RBM15B: variants seen among roughly 807,000 people sequenced by gnomAD.
The protein encoded by RBM15B is RNA binding motif protein 15B, also known as putative RNA-binding protein 15B.
Under a neutral mutation model 53.3 loss-of-function variants are expected in RBM15B, and 11 were observed. That is an observed-to-expected ratio of 0.21 (90% CI 0.13 to 0.34). The LOEUF is 0.34. Ranked by LOEUF, RBM15B falls within the 10% of genes least tolerant of loss-of-function variation. RBM15B has a pLI of 1.00. For missense variants in RBM15B, 1,136 were observed against 1,250.3 expected (o/e 0.91, Z 1.38); for synonymous variants, 631 against 540.7 (o/e 1.17, Z -2.32).
At position 51,396,076 on chromosome 3, in the gene RBM15B, G is replaced by A. The variant is rs2089182579; in HGVS notation, c.*2004G>A. ...CTGCAGCTCTCCAACAAACGCCTGA[G>A]TCACAGGCCAGAGCTGCCTTGGTAT... On this transcript the variant is annotated 3_prime_UTR_variant, in exon 1 of 1. Transcript: ENST00000563281. The A allele has an allele frequency of 4.9e-6, 2 of 411,498 alleles. No individual in the cohort carries two copies. The highest frequency in any genetic ancestry group is 3.6e-5 in the East Asian group (1 of 28,026). The allele number at this position is 411,498 out of a possible 1,614,324, so 25.5% of individuals were successfully genotyped here.
chr3:51,391,748 C>T lies in RBM15B; in HGVS notation c.349C>T (p.Pro117Ser). The change falls in exon 1 of 1, where the codon CCG (proline) becomes TCG (serine). Residue 117 changes from proline (P) to serine (S), a missense_variant. By Grantham distance (74) the Pro-to-Ser change is moderately conservative. Coordinates refer to ENST00000563281, the MANE Select transcript of RBM15B (RefSeq NM_013286.5). The surrounding 1 kb of genome is among the most constrained non-coding windows in gnomAD (Gnocchi z 4.5). ...GTCGCCCCGCGCGTCTCCTCTGCCG[C>T]CGCCTCCGCCACCGCCTGGGGCCGA... ...GMSPRASPLPPPPPPPGAEPA... is the reference protein window; with the variant it reads ...GMSPRASPLPSPPPPPGAEPA... 6.5e-7 allele frequency: 1 copy of T among 1,546,068 alleles called. No individual in the cohort carries two copies. The highest frequency in any genetic ancestry group is 8.6e-7 in the Non-Finnish European group (1 of 1,156,970).
chr3:51,393,543 C>G lies in RBM15B; in HGVS notation c.2144C>G (p.Ala715Gly). The G allele has an allele frequency of 6.2e-7, 1 of 1,614,206 alleles. No individual in the cohort carries two copies. Among genetic ancestry groups the G allele is most frequent in the Non-Finnish European group, 8.5e-7 (1 of 1,180,040 alleles). ...AAGCTGAAGAATCTTTCAGAGTACGCTCAGACACTACAGCTGGGTTGGAAT... is the reference window on the plus strand; with the variant it reads ...AAGCTGAAGAATCTTTCAGAGTACGGTCAGACACTACAGCTGGGTTGGAAT... ...TKKLKNLSEYAQTLQLGWNGL... is the reference protein window; with the variant it reads ...TKKLKNLSEYGQTLQLGWNGL... Residue 715 changes from alanine to glycine, a missense_variant, in exon 1 of 1, where the codon GCT (alanine) becomes GGT (glycine). Ala to Gly is a moderately conservative substitution (Grantham distance 60, BLOSUM62 0). Transcript: ENST00000563281. This position sits in a 1 kb window ranked among gnomAD's most constrained non-coding sequence, Gnocchi z 5.6.
Position 51,396,626 on chromosome 3 carries a change from T to A in RBM15B, c.*2554T>A. 6.0e-6 allele frequency: 1 copy of A among 167,364 alleles called. No individual in the cohort carries two copies. The allele number at this position is 167,364 out of a possible 1,614,324, so 10.4% of individuals were successfully genotyped here. A position where few individuals can be genotyped will look rare whatever the true frequency, so the allele number is the denominator to read the frequency against. On this transcript the variant is annotated 3_prime_UTR_variant, in exon 1 of 1. Transcript: ENST00000563281. ...GTGCCACTGTTCTCATGCTGCCTCC[T>A]AAGTGACTCCGATTTTCAGCCCTGG...
chr3:51,394,390 AT>A lies in RBM15B; in HGVS notation c.*323del. 4.3e-6 allele frequency: 1 copy of A among 235,164 alleles called. No homozygotes were observed. The highest frequency in any genetic ancestry group is 8.7e-6 in the Non-Finnish European group (1 of 114,596). The allele number at this position is 235,164 out of a possible 1,614,324, so 14.6% of individuals were successfully genotyped here. On this transcript the variant is annotated 3_prime_UTR_variant, in exon 1 of 1. Coordinates refer to ENST00000563281, the MANE Select transcript of RBM15B (RefSeq NM_013286.5). ...CAGTAAAACCTTTGACAGAGGATGG[AT>A]TTTTAAACCTGTTCAGAGTCCTGGT...
In RBM15B at chr3:51,391,933, G is replaced by T; in HGVS notation, c.534G>T (p.Glu178Asp). 1 of 1,602,788 alleles carries T rather than the reference G, an allele frequency of 6.2e-7. No individual in the cohort carries two copies. ...GCCTCCGCCTGTCGCACACGCCTGAGCTGGGCCGTGTGGCCTACGTGAATT... is the reference window on the plus strand; with the variant it reads ...GCCTCCGCCTGTCGCACACGCCTGATCTGGGCCGTGTGGCCTACGTGAATT... The part of the protein sequence containing the change: ...EISLRLSHTP[E>D]LGRVAYVNFR... Residue 178 changes from glutamate to aspartate, a missense_variant, in exon 1 of 1, where the codon GAG becomes GAT. By Grantham distance (45) the Glu-to-Asp change is conservative. Transcript: ENST00000563281. This position sits in a 1 kb window ranked among gnomAD's most constrained non-coding sequence, Gnocchi z 4.5.
At position 51,391,289 on chromosome 3, in the gene RBM15B, CGA is replaced by C; in HGVS notation, c.-109_-108del. 1.1e-6 allele frequency: 1 copy of C among 930,804 alleles called. No homozygotes were observed. Among genetic ancestry groups the C allele is most frequent in the African/African-American group, 1.7e-5 (1 of 57,196 alleles). 57.7% of individuals were successfully genotyped at this position (930,804 alleles called of 1,614,324 possible). A position where few individuals can be genotyped will look rare whatever the true frequency, so the allele number is the denominator to read the frequency against. On this transcript the variant is annotated 5_prime_UTR_variant, in exon 1 of 1. Coordinates refer to ENST00000563281, the MANE Select transcript of RBM15B (RefSeq NM_013286.5). The surrounding 1 kb of genome is among the most constrained non-coding windows in gnomAD (Gnocchi z 4.5). ...CCCCGCCCCGCCGCCACCGCCGCGC[CGA>C]GTCCTTTTGTCCAAGATGGCGGCGC...
Position 51,395,826 on chromosome 3 carries a change from G to C in RBM15B, c.*1754G>C, listed in dbSNP as rs1402929159. 2.4e-6 allele frequency: 1 copy of C among 413,536 alleles called. No homozygotes were observed. The highest frequency in any genetic ancestry group is 3.6e-5 in the East Asian group (1 of 28,088). 25.6% of individuals were successfully genotyped at this position (413,536 alleles called of 1,614,324 possible). ...GTGATGTGGAATGGACAGGTGCCTC[G>C]CAAGAGAGCAAGCACGTTCATAACA... On this transcript the variant is annotated 3_prime_UTR_variant, in exon 1 of 1. Coordinates refer to ENST00000563281, the MANE Select transcript of RBM15B (RefSeq NM_013286.5).
Position 51,391,461 on chromosome 3 carries a change from A to AGCT in RBM15B, c.64_65insTGC (p.Lys21_Arg22insLeu). 1 of 1,261,700 alleles carries AGCT rather than the reference A, an allele frequency of 7.9e-7. No homozygotes were observed. The highest frequency in any genetic ancestry group is 2.4e-5 in the South Asian group (1 of 40,888). The allele number at this position is 1,261,700 out of a possible 1,614,324, so 78.2% of individuals were successfully genotyped here. On this transcript the variant is annotated inframe_insertion, in exon 1 of 1. Transcript: ENST00000563281. This position sits in a 1 kb window ranked among gnomAD's most constrained non-coding sequence, Gnocchi z 4.5. ...GGGCGCGGCTCGTCATCGTCCGCCA[A>AGCT]GCGTCCGCGGGAGCGCGAACGGGAG...
rs781979173 is a variant in RBM15B, at chr3:51,392,982, T to C, written c.1583T>C (p.Val528Ala). Residue 528 changes from valine to alanine, a missense_variant, in exon 1 of 1, where the codon GTG becomes GCG. By Grantham distance (64) the Val-to-Ala change is moderately conservative. Around this residue, in one of 7 missense-constraint regions of RBM15B, gnomAD observed 578 missense variants for 581.6 expected, o/e 0.99. Transcript: ENST00000563281. The surrounding 1 kb of genome is among the most constrained non-coding windows in gnomAD (Gnocchi z 7.5). ...TRHRNLDADLVRDRTPPHLLY... is the reference protein window; with the variant it reads ...TRHRNLDADLARDRTPPHLLY... ...CACCGCAACCTGGACGCCGACCTGG[T>C]GCGGGACAGGACGCCCCCACACCTT... 35 of 1,613,484 alleles carry C rather than the reference T, an allele frequency of 2.2e-5. No homozygotes were observed. The highest frequency in any genetic ancestry group is 2.7e-5 in the African/African-American group (2 of 74,854).
chr3:51,396,262 C>T lies in RBM15B; in HGVS notation c.*2190C>T, dbSNP rs1489661423. On this transcript the variant is annotated 3_prime_UTR_variant, in exon 1 of 1. Transcript: ENST00000563281. ...CCTAGAGAAGACACTTCAACCTTTG[C>T]CTTATCCAACCCCTCTTCAGAGAAA... 4 of 226,398 alleles carry T rather than the reference C, an allele frequency of 1.8e-5. No individual in the cohort carries two copies. Among genetic ancestry groups the T allele is most frequent in the Non-Finnish European group, 3.7e-5 (4 of 107,510 alleles). 14.0% of individuals were successfully genotyped at this position (226,398 alleles called of 1,614,324 possible).
chr3:51,393,581 T>G lies in RBM15B; in HGVS notation c.2182T>G (p.Leu728Val). ...LQLGWNGLLV[L>V]KNSCFPTSMH... The stretch of plus-strand genomic sequence containing the variant: ...GCTGGGTTGGAATGGGCTTCTGGTG[T>G]TGAAAAACAGCTGCTTCCCCACGTC... The change falls in exon 1 of 1, where the codon TTG becomes GTG. Residue 728 changes from leucine to valine, a missense_variant. By Grantham distance (32) the Leu-to-Val change is conservative. This residue lies in a region of RBM15B where 578 missense variants were observed against 581.6 expected (regional missense o/e 0.99). Coordinates refer to ENST00000563281, the MANE Select transcript of RBM15B (RefSeq NM_013286.5). The surrounding 1 kb of genome is among the most constrained non-coding windows in gnomAD (Gnocchi z 5.6). 1 of 1,614,074 alleles carries G rather than the reference T, an allele frequency of 6.2e-7. No homozygotes were observed. The highest frequency in any genetic ancestry group is 8.5e-7 in the Non-Finnish European group (1 of 1,180,010).
At position 51,395,147 on chromosome 3, in the gene RBM15B, C is replaced by CTT. The variant is rs2089130408; in HGVS notation, c.*1076_*1077dup. On this transcript the variant is annotated 3_prime_UTR_variant, in exon 1 of 1. Coordinates refer to ENST00000563281, the MANE Select transcript of RBM15B (RefSeq NM_013286.5). Reference sequence around the variant, plus strand: ...GATACTGAACCTCTAGACTGAAGTACTTACCGGGGAGCACAGTGGACTAGG... The same window carrying CTT: ...GATACTGAACCTCTAGACTGAAGTACTTTTACCGGGGAGCACAGTGGACTAGG... 1 of 167,258 alleles carries CTT rather than the reference C, an allele frequency of 6.0e-6. No homozygotes were observed. Among genetic ancestry groups the CTT allele is most frequent in the African/African-American group, 2.4e-5 (1 of 41,442 alleles). The allele number at this position is 167,258 out of a possible 1,614,324, so 10.4% of individuals were successfully genotyped here. A position where few individuals can be genotyped will look rare whatever the true frequency, so the allele number is the denominator to read the frequency against.
chr3:51,391,696 C>T lies in RBM15B; in HGVS notation c.297C>T (p.Ala99=), dbSNP rs2089038745. Residue 99 remains alanine, a synonymous_variant, in exon 1 of 1, where the codon GCC becomes GCT. Transcript: ENST00000563281. The surrounding 1 kb of genome is among the most constrained non-coding windows in gnomAD (Gnocchi z 4.5). ...GCGGCGGGGGACGCGGCGGCAAGGC[C>T]TCGGGGGACCCGGGCGCCTCCGGCA... is the stretch of plus-strand genomic sequence containing the variant. ...GAGGGGRGGK[A]SGDPGASGMS... 4 of 1,344,622 alleles carry T rather than the reference C, an allele frequency of 3.0e-6. No homozygotes were observed. Among genetic ancestry groups the T allele is most frequent in the Non-Finnish European group, 3.8e-6 (4 of 1,054,246 alleles). The allele number at this position is 1,344,622 out of a possible 1,614,324, so 83.3% of individuals were successfully genotyped here. A position where few individuals can be genotyped will look rare whatever the true frequency, so the allele number is the denominator to read the frequency against.
rs782625844 is a variant in RBM15B, at chr3:51,394,005, C to T, written c.2606C>T (p.Ala869Val). ...CDFSQQYLQS[A>V]LRTLGKLEEE... is the part of the protein sequence containing the mutation. ...TTTTCCCAGCAGTACCTCCAGTCAG[C>T]ACTAAGGACATTGGGCAAGCTAGAA... Residue 869 changes from alanine to valine, a missense_variant, in exon 1 of 1, where the codon GCA becomes GTA. Coordinates refer to ENST00000563281, the MANE Select transcript of RBM15B (RefSeq NM_013286.5). 1 of 1,501,640 alleles carries T rather than the reference C, an allele frequency of 6.7e-7. No homozygotes were observed. Among genetic ancestry groups the T allele is most frequent in the Non-Finnish European group, 8.9e-7 (1 of 1,125,342 alleles). 93.0% of individuals were successfully genotyped at this position (1,501,640 alleles called of 1,614,324 possible).
rs782154260 is a variant in RBM15B at position 51,395,433 on chromosome 3, C to CAAGT, written c.*1369_*1372dup. ...TGAGATTCCGTCTTCTTCCCTGTCT[C>CAAGT]AAGTAAGTAAGGAAGGTACTGCGGA... is the stretch of plus-strand genomic sequence containing the variant. On this transcript the variant is annotated 3_prime_UTR_variant, in exon 1 of 1. Transcript: ENST00000563281. 10 of 191,306 alleles carry CAAGT rather than the reference C, an allele frequency of 5.2e-5. No individual in the cohort carries two copies. The highest frequency in any genetic ancestry group is 2.0e-4 in the South Asian group (1 of 5,018). The allele number at this position is 191,306 out of a possible 1,614,324, so 11.9% of individuals were successfully genotyped here. A position where few individuals can be genotyped will look rare whatever the true frequency, so the allele number is the denominator to read the frequency against.
In RBM15B at chr3:51,392,332, C is replaced by T. The variant is rs782737382; in HGVS notation, c.933C>T (p.Asp311=). 4 of 1,613,196 alleles carry T rather than the reference C, an allele frequency of 2.5e-6. No homozygotes were observed. Among genetic ancestry groups the T allele is most frequent in the Non-Finnish European group, 3.4e-6 (4 of 1,179,864 alleles). Reference sequence around the variant, plus strand: ...CCCTGGACTACTACGGGCTGTACGACGACCGTGGGCGCCCCTATGGCTACC... The same window carrying T: ...CCCTGGACTACTACGGGCTGTACGATGACCGTGGGCGCCCCTATGGCTACC... ...ERALDYYGLY[D]DRGRPYGYPA... is the part of the protein sequence containing the mutation. Residue 311 remains aspartate (D), a synonymous_variant, in exon 1 of 1, where the codon GAC becomes GAT. Transcript: ENST00000563281. This position sits in a 1 kb window ranked among gnomAD's most constrained non-coding sequence, Gnocchi z 7.5.
Position 51,392,067 on chromosome 3 carries a change from G to T in RBM15B, c.668G>T (p.Gly223Val), listed in dbSNP as rs782014589. ...KVEPVYLRGG[G>V]GSSRRSSSSS... ...GAGCCCGTGTACCTGCGTGGCGGCG[G>T]CGGGAGCAGTCGGCGAAGTAGCAGC... Residue 223 changes from glycine (G) to valine (V), a missense_variant, in exon 1 of 1, where the codon GGC becomes GTC. This residue lies in a region of RBM15B where 204 missense variants were observed against 196.8 expected (regional missense o/e 1.04). Transcript: ENST00000563281. This position sits in a 1 kb window ranked among gnomAD's most constrained non-coding sequence, Gnocchi z 7.5. 1.3e-6 allele frequency: 2 copies of T among 1,582,850 alleles called. No homozygotes were observed. Among genetic ancestry groups the T allele is most frequent in the Admixed American group, 1.8e-5 (1 of 57,054 alleles).
In RBM15B at chr3:51,395,498, G is replaced by T; in HGVS notation, c.*1426G>T. Reference sequence around the variant, plus strand: ...GAGGAAAACCAGAGCACACAGTTTTGTCACCATGGAACACCCCAAATGCCA... The same window carrying T: ...GAGGAAAACCAGAGCACACAGTTTTTTCACCATGGAACACCCCAAATGCCA... On this transcript the variant is annotated 3_prime_UTR_variant, in exon 1 of 1. Transcript: ENST00000563281. 1 of 283,644 alleles carries T rather than the reference G, an allele frequency of 3.5e-6. No individual in the cohort carries two copies. The highest frequency in any genetic ancestry group is 6.9e-6 in the Non-Finnish European group (1 of 144,144). The allele number at this position is 283,644 out of a possible 1,614,324, so 17.6% of individuals were successfully genotyped here.
Position 51,394,009 on chromosome 3 carries a change from A to G in RBM15B, c.2610A>G (p.Leu870=). The G allele has an allele frequency of 1.3e-6, 2 of 1,500,762 alleles. No homozygotes were observed. The highest frequency in any genetic ancestry group is 8.9e-7 in the Non-Finnish European group (1 of 1,124,902). 93.0% of individuals were successfully genotyped at this position (1,500,762 alleles called of 1,614,324 possible). A position where few individuals can be genotyped will look rare whatever the true frequency, so the allele number is the denominator to read the frequency against. The change falls in exon 1 of 1, where the codon CTA becomes CTG. Residue 870 remains leucine (L), a synonymous_variant. Coordinates refer to ENST00000563281, the MANE Select transcript of RBM15B (RefSeq NM_013286.5). The part of the protein sequence containing the change: ...DFSQQYLQSA[L]RTLGKLEEEH... ...CCCAGCAGTACCTCCAGTCAGCACT[A>G]AGGACATTGGGCAAGCTAGAAGAAG... is the stretch of plus-strand genomic sequence containing the variant.
Sources: gnomAD v4.1 joint callset for allele counts on GRCh38, gnomAD v4.1.1 for gene constraint, gnomAD v4.1.1 regional missense constraint, Gnocchi (gnomAD v3.1) non-coding constraint, MANE v1.5 for transcripts, NCBI Gene and HGNC (gene_info 2026-07-23, HGNC 2026-07-21) for gene names.